Variants in UNC13C observed in about 807,000 individuals in gnomAD.
The protein encoded by UNC13C is protein unc-13 homolog C.
Under a neutral mutation model 245.4 loss-of-function variants are expected in UNC13C, and 174 were observed. The ratio of observed to expected loss-of-function variants is 0.71; its 90% confidence interval spans 0.63 to 0.80. The LOEUF (loss-of-function observed/expected upper bound fraction) is 0.80, where lower values mean the gene tolerates loss of function less well. Among genes scored for constraint, UNC13C ranks in the 30% least tolerant of loss-of-function variants. UNC13C has a pLI of 0.00. For missense variants in UNC13C, 2,829 were observed against 2,602.9 expected (o/e 1.09, Z -1.89); for synonymous variants, 992 against 895.1 (o/e 1.11, Z -1.93).
At chr15:53,872,924 TG>T in the UNC13C span, among the ~76,000 whole-genome samples, 1 of 152,208 alleles carries the variant, frequency 6.6e-6, no homozygotes, top group Non-Finnish European at 1.5e-5. Context: ...GACAACGTTT[TG>T]CCATGTTCCA....
At chr15:54,091,021 C>T (rs1171922210) in intron 2 of UNC13C, among the ~76,000 whole-genome samples, 1 of 148,130 alleles carries the variant, frequency 6.8e-6, no homozygotes, top group East Asian at 2.0e-4. Context: ...GAATGTCATC[C>T]CAAAAAGCCT....
intron 17 of UNC13C, among the ~76,000 whole-genome samples, chr15:54,339,330 T>C (rs1361363812): frequency 1.3e-5 from 2 of 152,166 alleles, no homozygotes; most frequent in Non-Finnish European, 2.9e-5. Context: ...GAGTAAGTTC[T>C]TTAGTAGTGA....
chr15:54,628,352 C>T lies in UNC13C; in HGVS notation c.*1239C>T, dbSNP rs1388864374. ...GTCATAACTGTTAGTGGACTACTTA[C>T]AGAAGCAGAAACAAGAGCCTGTTAT... is the stretch of plus-strand genomic sequence containing the variant. On this transcript the variant is annotated 3_prime_UTR_variant, in exon 33 of 33. Transcript: ENST00000260323. 6.6e-6 allele frequency: 1 copy of T among 152,554 alleles called. No homozygotes were observed. The highest frequency in any genetic ancestry group is 1.5e-5 in the Non-Finnish European group (1 of 68,046). 9.5% of individuals were successfully genotyped at this position (152,554 alleles called of 1,614,324 possible).
chr15:53,875,282 A>G, the UNC13C span, among the ~76,000 whole-genome samples: 1 of 152,214 alleles, frequency 6.6e-6, no homozygotes, highest in Admixed American at 6.5e-5. Context: ...AGGGCTTACT[A>G]TGCCATCCTG....
At chr15:54,361,838 A>C (rs1044333396) in intron 17 of UNC13C, among the ~76,000 whole-genome samples, 2 of 152,216 alleles carry the variant, frequency 1.3e-5, no homozygotes, top group African/African-American at 2.4e-5. Context: ...ATTATTTCCC[A>C]GTCTGGGGAA....
intron 19 of UNC13C, among the ~76,000 whole-genome samples, chr15:54,454,580 A>C (rs1038842352): frequency 1.4e-4 from 21 of 150,998 alleles, no homozygotes; most frequent in African/African-American, 4.9e-4. Flanking sequence ...GAAAAAAAAA[A>C]AACAACAATA....
intron 19 of UNC13C, among the ~76,000 whole-genome samples, chr15:54,426,942 T>C (rs1056575762): frequency 6.6e-6 from 1 of 151,940 alleles, no homozygotes; most frequent in East Asian, 1.9e-4. Context: ...CAGTCTTCAC[T>C]TGAATGAAGA....
At chr15:54,487,989 A>G (rs1157033890) in intron 19 of UNC13C, among the ~76,000 whole-genome samples, 3 of 150,900 alleles carry the variant, frequency 2.0e-5, no homozygotes, top group Non-Finnish European at 2.9e-5. Flanking sequence ...TTTGGCAGCC[A>G]GGATTTTGAT....
At chr15:54,175,612 A>T (rs966332766) in intron 4 of UNC13C, among the ~76,000 whole-genome samples, 2 of 147,204 alleles carry the variant, frequency 1.4e-5, no homozygotes, top group African/African-American at 5.1e-5. Context: ...TCCCGGGTTC[A>T]CGCCATTCTC....
At chr15:54,001,333 G>T (rs1044165449) in intron 1 of UNC13C, among the ~76,000 whole-genome samples, 2 of 152,164 alleles carry the variant, frequency 1.3e-5, no homozygotes, top group African/African-American at 4.8e-5. Flanking sequence ...GATCAAATGA[G>T]CCTGTGACAC....
chr15:54,277,215 CTTCA>C (rs2036856292), intron 10 of UNC13C, among the ~76,000 whole-genome samples: 1 of 152,096 alleles, frequency 6.6e-6, no homozygotes, highest in Admixed American at 6.6e-5. Context: ...TGCCTTTAGT[CTTCA>C]TTATATGTTT....
chr15:54,003,490 T>C (rs1241369968), intron 1 of UNC13C, among the ~76,000 whole-genome samples: 1 of 152,118 alleles, frequency 6.6e-6, no homozygotes, highest in Non-Finnish European at 1.5e-5. Flanking sequence ...CTCTTACCTG[T>C]CCCCTTTGAA....
intron 15 of UNC13C, among the ~76,000 whole-genome samples, chr15:54,332,580 C>T (rs2140995923): frequency 6.6e-6 from 1 of 151,982 alleles, no homozygotes; most frequent in African/African-American, 2.4e-5. Context: ...CAAAGCTGCC[C>T]AGAATTCATT....
At chr15:54,219,604 C>G (rs2035157343) in intron 4 of UNC13C, among the ~76,000 whole-genome samples, 1 of 148,148 alleles carries the variant, frequency 6.8e-6, no homozygotes, top group Non-Finnish European at 1.5e-5. Context: ...CAAATGGGAT[C>G]TAATTAAACT....
chr15:53,874,876 A>T, the UNC13C span, among the ~76,000 whole-genome samples: 30 of 152,132 alleles, frequency 2.0e-4, no homozygotes, highest in Non-Finnish European at 3.8e-4. Flanking sequence ...CGGGCGGATC[A>T]TGAGGTCAGG....
intron 2 of UNC13C, among the ~76,000 whole-genome samples, chr15:54,098,111 G>A (rs1899968942): frequency 6.6e-6 from 1 of 152,160 alleles, no homozygotes; most frequent in African/African-American, 2.4e-5. Context: ...GGCCATTCTG[G>A]GGATGGGATA....
At position 54,013,048 on chromosome 15, in the gene UNC13C, C is replaced by T. The variant is rs761051813; in HGVS notation, c.145C>T (p.Gln49Ter). The T allele has an allele frequency of 6.2e-7, 1 of 1,613,732 alleles. No homozygotes were observed. The highest frequency in any genetic ancestry group is 8.5e-7 in the Non-Finnish European group (1 of 1,179,846). The stretch of plus-strand genomic sequence containing the variant: ...GGATCAAGACTTCCCCACTGCTGGC[C>T]AGACCAAATCCCCCAAATTTTCTTA... Reference protein sequence around the residue: ...KKDQDFPTAGQTKSPKFSYTF... With the variant: ...KKDQDFPTAG Residue 49 changes from glutamine to a stop codon, truncating the protein, a stop_gained, in exon 2 of 33, where the codon CAG becomes TAG. Transcript: ENST00000260323. LOFTEE classifies it high-confidence loss of function.
chr15:53,881,285 C>T, the UNC13C span, among the ~76,000 whole-genome samples: 39 of 152,232 alleles, frequency 2.6e-4, no homozygotes, highest in African/African-American at 8.4e-4. Context: ...CCAAAGCTTG[C>T]GTGGTTATGG....
At chr15:54,038,122 A>ATTTTTTTTTTTT (rs1355738786) in intron 2 of UNC13C, among the ~76,000 whole-genome samples, 43 of 50,246 alleles carry the variant, frequency 8.6e-4, no homozygotes, top group East Asian at 2.3e-3. Flanking sequence ...ATATATATAT[A>ATTTTTTTTTTTT]TATTTTTTTT....
Sources: allele counts gnomAD v4.1 joint callset (sites outside exome capture counted in the v4.1 genomes callset), GRCh38; gene constraint gnomAD v4.1.1; transcripts MANE v1.5; gene names NCBI Gene and HGNC (gene_info 2026-07-23, HGNC 2026-07-21).